SPG7: variants seen among roughly 807,000 people sequenced by gnomAD.
SPG7 encodes mitochondrial inner membrane m-AAA protease component paraplegin.
SPG7 carries 103 observed loss-of-function variants against 81.9 expected under a neutral mutation model. The ratio of observed to expected loss-of-function variants is 1.26; its 90% CI spans 1.07 to 1.48. The LOEUF (loss-of-function observed/expected upper bound fraction) is 1.48. Ranked by LOEUF, SPG7 falls within the 40% of genes most tolerant of loss-of-function variation. The pLI, the probability that SPG7 is intolerant of heterozygous loss-of-function variation, is 0.00. For missense variants in SPG7, 1,241 were observed against 1,087.3 expected (o/e 1.14, Z -1.99); for synonymous variants, 534 against 444.2 (o/e 1.20, Z -2.54).
intron 2 of SPG7, among the ~76,000 whole-genome samples, chr16:89,512,563 G>A (rs146110821): frequency 1.3e-5 from 2 of 152,050 alleles, no homozygotes; most frequent in Non-Finnish European, 1.5e-5. Context: ...CACCTGCCTC[G>A]GTCTCCCAAA....
intron 1 of SPG7, chr16:89,509,134 C>T (rs1443900041): frequency 2.7e-6 from 1 of 372,646 alleles, no homozygotes; most frequent in Non-Finnish European, 5.4e-6. Context: ...GTTTCAGGTT[C>T]TGCTAAGGAT....
intron 2 of SPG7, among the ~76,000 whole-genome samples, chr16:89,510,847 A>T (rs2058011599): frequency 6.6e-6 from 1 of 152,118 alleles, no homozygotes; most frequent in Non-Finnish European, 1.5e-5. Flanking sequence ...TTTTGTAGAG[A>T]CAAGGTCTCA....
intron 10 of SPG7, 106 bp downstream of exon 10, chr16:89,544,878 CA>C (rs1179779386): frequency 1.4e-6 from 2 of 1,401,464 alleles, no homozygotes; most frequent in African/African-American, 2.8e-5. Context: ...AAGCCTGTCA[CA>C]GCCCCACAGG....
At chr16:89,552,872 T>C in intron 13 of SPG7, 107 bp from the exon 14 acceptor site, 3 of 1,098,498 alleles carry the variant, frequency 2.7e-6, no homozygotes, top group Non-Finnish European at 1.4e-6. Context: ...ACATTTGCCT[T>C]CCTGCTTTGA....
At chr16:89,550,075 G>A in intron 12 of SPG7, 1 of 291,036 alleles carries the variant, frequency 3.4e-6, no homozygotes, top group South Asian at 3.3e-5. Context: ...GCAGCTCCAA[G>A]AGGCAGATGT....
intron 12 of SPG7, chr16:89,549,560 C>T (rs1218526372): frequency 1.1e-5 from 3 of 267,814 alleles, no homozygotes; most frequent in African/African-American, 4.5e-5. Context: ...CTCAGCTACT[C>T]AGGAGGCTGC....
chr16:89,534,533 CT>C (rs932328436), intron 9 of SPG7, among the ~76,000 whole-genome samples: 8 of 152,122 alleles, frequency 5.3e-5, no homozygotes, highest in East Asian at 1.9e-4. Context: ...ATGAGGGAGA[CT>C]TTTTTTCCCC....
chr16:89,532,542 C>A lies in SPG7; in HGVS notation c.1230C>A (p.Ile410=), dbSNP rs756619796. 1.9e-5 allele frequency: 31 copies of A among 1,613,632 alleles called. No individual in the cohort carries two copies. The African/African-American group carries it at 3.7e-4, about 19-fold the overall frequency. ...RAPCIVYIDE[I]DAVGKKRSTT... is the part of the protein sequence containing the mutation. ...CCTGCATCGTCTACATCGATGAGAT[C>A]GACGCGGTGGGCAAGAAGCGCTCCA... Residue 410 remains isoleucine, a synonymous_variant, in exon 9 of 17, where the codon ATC becomes ATA. Transcript: ENST00000645818.
chr16:89,532,772 GAAA>G, intron 9 of SPG7, 136 bp downstream of exon 9: 5 of 813,628 alleles, frequency 6.1e-6, no homozygotes, highest in Non-Finnish European at 9.6e-6. Context: ...TCTGTCTCAA[GAAA>G]AAAAAAAAAT....
intron 16 of SPG7, chr16:89,555,793 C>T: frequency 2.5e-6 from 1 of 398,370 alleles, no homozygotes. Flanking sequence ...AGGAGAGGTG[C>T]ACGGCTCTTT....
chr16:89,526,813 G>T (rs967604337), intron 5 of SPG7: 1 of 351,692 alleles, frequency 2.8e-6, no homozygotes, highest in Non-Finnish European at 5.5e-6. Flanking sequence ...CCCGACGTAG[G>T]ATGGCGAAGT....
intron 8 of SPG7, 77 bp from the exon 9 acceptor site, chr16:89,532,386 T>G: frequency 6.5e-7 from 1 of 1,535,722 alleles, no homozygotes; most frequent in Non-Finnish European, 9.0e-7. Context: ...GTGTAGAACT[T>G]TGTCTGGCCC....
At chr16:89,555,796 G>A (rs1266245100) in intron 16 of SPG7, 4 of 398,224 alleles carry the variant, frequency 1.0e-5, no homozygotes, top group Admixed American at 8.8e-5. Context: ...AGAGGTGCAC[G>A]GCTCTTTGTC....
Position 89,530,735 on chromosome 16 carries a change from G to C in SPG7, c.914G>C (p.Gly305Ala), listed in dbSNP as rs752927361. 4 of 1,614,202 alleles carry C rather than the reference G, an allele frequency of 2.5e-6. No homozygotes were observed. The highest frequency in any genetic ancestry group is 3.3e-5 in the Admixed American group (2 of 60,022). The change falls in exon 7 of 17, where the codon GGA becomes GCA. Residue 305 changes from glycine (G) to alanine (A), a missense_variant. Transcript: ENST00000645818. Reference protein sequence around the residue: ...FTIVDGKMGKGVSFKDVAGMH... With the variant: ...FTIVDGKMGKAVSFKDVAGMH... ...ATTGTGGATGGGAAGATGGGGAAAG[G>C]AGTCAGCTTCAAAGACGTGGCAGGA...
At chr16:89,549,383 G>A (rs1040594541) in intron 12 of SPG7, 1 of 375,602 alleles carries the variant, frequency 2.7e-6, no homozygotes. Context: ...TCCCTGGCTG[G>A]GCACTGTGGC....
At chr16:89,556,809 C>G in intron 16 of SPG7, 78 bp from the exon 17 acceptor site, 3 of 1,198,062 alleles carry the variant, frequency 2.5e-6, no homozygotes, top group East Asian at 2.3e-5. Flanking sequence ...GCCCTCACGC[C>G]TCTTGCCACC....
intron 11 of SPG7, chr16:89,547,584 T>A: frequency 3.7e-6 from 1 of 268,956 alleles, no homozygotes. Flanking sequence ...GTTCTTGGTC[T>A]CTTTTCCCTC....
chr16:89,545,196 G>A (rs992323028), intron 10 of SPG7: 11 of 342,134 alleles, frequency 3.2e-5, no homozygotes, highest in African/African-American at 4.3e-5. Flanking sequence ...CTCTGGGGAC[G>A]TGGACTGTGC....
intron 9 of SPG7, among the ~76,000 whole-genome samples, chr16:89,535,583 A>C (rs965740317): frequency 6.6e-6 from 1 of 152,090 alleles, no homozygotes; most frequent in Non-Finnish European, 1.5e-5. Flanking sequence ...ATGGGAGTCG[A>C]GTTTTCAGAG....
Sources: allele counts gnomAD v4.1 joint callset (sites outside exome capture counted in the v4.1 genomes callset), GRCh38; gene constraint gnomAD v4.1.1; transcripts MANE v1.5; gene names NCBI Gene and HGNC (gene_info 2026-07-23, HGNC 2026-07-21).